FUT8: variants seen among roughly 807,000 people sequenced by gnomAD.
FUT8 encodes fucosyltransferase 8.
In FUT8, 29 loss-of-function variants were observed where a neutral mutation model predicts 71.3. That is an observed-to-expected ratio of 0.41 (90% CI 0.30 to 0.55). The LOEUF is 0.55. Ranked by LOEUF, FUT8 falls within the 20% of genes least tolerant of loss-of-function variation. The pLI is 0.34. For synonymous variants in FUT8, 254 were observed against 239.3 expected (o/e 1.06, Z -0.57); for missense variants, 544 against 702.1 (o/e 0.77, Z 2.55).
Position 65,647,188 on chromosome 14 carries a change from A to G in FUT8, c.597+17582A>G, listed in dbSNP as rs978105409. On this transcript the variant is annotated intron_variant, in intron 6 of 10. Transcript: ENST00000673929. ...TTAGGTCAGTTGTATTTGATAGATGATAAAATACCCAGATCACTCAAGGTC... is the reference window on the plus strand; with the variant it reads ...TTAGGTCAGTTGTATTTGATAGATGGTAAAATACCCAGATCACTCAAGGTC... Among the ~76,000 whole-genome samples, 4 of 152,222 alleles carry G rather than the reference A, an allele frequency of 2.6e-5. No individual in the cohort carries two copies. In the East Asian group the frequency reaches 7.7e-4, roughly 29 times the overall value.
chr14:65,682,157 T>C (rs902482841), intron 7 of FUT8, among the ~76,000 whole-genome samples: 1 of 152,230 alleles, frequency 6.6e-6, no homozygotes, highest in Non-Finnish European at 1.5e-5. Flanking sequence ...TTTAAAAGTC[T>C]GCCTCAAGAG....
intron 6 of FUT8, among the ~76,000 whole-genome samples, chr14:65,658,457 A>T (rs1018725746): frequency 1.3e-5 from 2 of 152,150 alleles, no homozygotes; most frequent in African/African-American, 4.8e-5. Flanking sequence ...ACCCATGTCC[A>T]CACAGAAACT....
At chr14:65,365,582 A>C in the FUT8 span, among the ~76,000 whole-genome samples, 2 of 6,454 alleles carry the variant, frequency 3.1e-4, no homozygotes, top group Non-Finnish European at 0.03. Context: ...TAAGGAAGCC[A>C]GCTAAAACCA....
At chr14:65,385,418 A>G in the FUT8 span, among the ~76,000 whole-genome samples, 1 of 152,220 alleles carries the variant, frequency 6.6e-6, no homozygotes, top group Non-Finnish European at 1.5e-5. Context: ...AATAGAAGTT[A>G]TGCTTGGCTT....
At chr14:65,655,614 CAT>C (rs144325148) in intron 6 of FUT8, among the ~76,000 whole-genome samples, 1,764 of 151,678 alleles carry the variant, frequency 0.012, 35 homozygotes, top group East Asian at 0.097. Context: ...TAATTTTAAA[CAT>C]GTGCACTTAA....
chr14:65,549,513 C>T (rs955240703), intron 2 of FUT8, among the ~76,000 whole-genome samples: 4 of 152,082 alleles, frequency 2.6e-5, no homozygotes, highest in African/African-American at 9.7e-5. Context: ...CATGGTTAAA[C>T]ATATTTTCAA....
rs1460707707 is a variant in FUT8, at chr14:65,540,658, C to A, written c.-227-20679C>A. Reference sequence around the variant, plus strand: ...TAAGCTATTGCTATGTTGAGATACTCTGTAATGTTCAGAATTGTATCCCTA... The same window carrying A: ...TAAGCTATTGCTATGTTGAGATACTATGTAATGTTCAGAATTGTATCCCTA... On this transcript the variant is annotated intron_variant, in intron 2 of 10. Transcript: ENST00000673929. Among the ~76,000 whole-genome samples, 4 of 152,184 alleles carry A rather than the reference C, an allele frequency of 2.6e-5. No individual in the cohort carries two copies. In the East Asian group the frequency reaches 5.8e-4, roughly 22 times the overall value.
intron 2 of FUT8, among the ~76,000 whole-genome samples, chr14:65,522,016 C>G (rs1883113771): frequency 1.3e-5 from 2 of 152,124 alleles, no homozygotes; most frequent in African/African-American, 4.8e-5. Flanking sequence ...TAATTAGTAG[C>G]AATCTTGAGT....
intron 1 of FUT8, among the ~76,000 whole-genome samples, chr14:65,429,088 T>A (rs957080011): frequency 2.6e-5 from 4 of 152,160 alleles, no homozygotes; most frequent in Non-Finnish European, 5.9e-5. Flanking sequence ...GAGTAGACAA[T>A]TGACTGAGTA....
At chr14:65,375,633 T>C in the FUT8 span, among the ~76,000 whole-genome samples, 6 of 150,412 alleles carry the variant, frequency 4.0e-5, no homozygotes, top group South Asian at 2.1e-4. Flanking sequence ...ATGAAAAGAA[T>C]AGGGCGGGAG....
In FUT8 at chr14:65,524,674, C is replaced by T. The variant is rs142432305; in HGVS notation, c.-227-36663C>T. ...GCCAGTTTTCAAAGGGAATGCTTCC[C>T]GTTTTTGCCCATTCAGTATGATGTT... is the stretch of plus-strand genomic sequence containing the variant. On this transcript the variant is annotated intron_variant, in intron 2 of 10. Transcript: ENST00000673929. Among the ~76,000 whole-genome samples the T allele has an allele frequency of 5.0e-3, 760 of 152,098 alleles. 8 individuals carry two copies. The highest frequency in any genetic ancestry group is 0.017 in the African/African-American group (721 of 41,514).
At chr14:65,499,335 GT>G in intron 2 of FUT8, among the ~76,000 whole-genome samples, 1 of 152,164 alleles carries the variant, frequency 6.6e-6, no homozygotes, top group South Asian at 2.1e-4. Context: ...TGGGGATGGT[GT>G]TGATAAACTA....
At chr14:65,679,747 A>G (rs984577003) in intron 7 of FUT8, among the ~76,000 whole-genome samples, 4 of 152,212 alleles carry the variant, frequency 2.6e-5, no homozygotes, top group African/African-American at 9.7e-5. Context: ...TTTACTGCCC[A>G]TATTATCACC....
chr14:65,629,615 G>T lies in FUT8; in HGVS notation c.597+9G>T. On this transcript the variant is annotated intron_variant, in intron 6 of 10. Transcript: ENST00000673929. ...GAATAACATATCTTCAGGTAAGAAG[G>T]TTGGGTTAAGAATAAATTTGAGTGA... 1 of 1,563,932 alleles carries T rather than the reference G, an allele frequency of 6.4e-7. No individual in the cohort carries two copies. Among genetic ancestry groups the T allele is most frequent in the Non-Finnish European group, 8.8e-7 (1 of 1,134,690 alleles).
chr14:65,664,159 T>G (rs1462035441), intron 6 of FUT8, among the ~76,000 whole-genome samples: 1 of 152,128 alleles, frequency 6.6e-6, no homozygotes, highest in East Asian at 1.9e-4. Flanking sequence ...GATATTCAGG[T>G]ACTCTATTTC....
At position 65,432,520 on chromosome 14, in the gene FUT8, T is replaced by C. The variant is rs529010995; in HGVS notation, c.-326+19306T>C. 3.5e-4 allele frequency among the ~76,000 whole-genome samples: 54 copies of C among 152,206 alleles called. 2 individuals carry two copies. In the South Asian group the frequency reaches 5.0e-3, roughly 14 times the overall value. ...ATCAGAGGCCTGTGAACCAGAGCAA[T>C]TGCATCTTAAACAGGAGTTGGGTAA... On this transcript the variant is annotated intron_variant, in intron 1 of 10. Coordinates refer to ENST00000673929, the MANE Select transcript of FUT8 (RefSeq NM_001371533.1).
At chr14:65,504,864 C>T (rs943509099) in intron 2 of FUT8, among the ~76,000 whole-genome samples, 3 of 152,122 alleles carry the variant, frequency 2.0e-5, no homozygotes, top group Non-Finnish European at 2.9e-5. Flanking sequence ...ATGGCTTGAA[C>T]CCAGGAGGCA....
chr14:65,712,510 T>A (rs1894855643), intron 7 of FUT8, among the ~76,000 whole-genome samples: 1 of 152,214 alleles, frequency 6.6e-6, no homozygotes, highest in East Asian at 1.9e-4. Flanking sequence ...AATGGCATGA[T>A]GTCGGCTCAC....
the FUT8 span, among the ~76,000 whole-genome samples, chr14:65,362,686 G>T: frequency 6.6e-6 from 1 of 152,180 alleles, no homozygotes; most frequent in Non-Finnish European, 1.5e-5. Flanking sequence ...TCATTAGCCG[G>T]GCGTGGTGGC....
Sources: allele counts gnomAD v4.1 joint callset (sites outside exome capture counted in the v4.1 genomes callset), GRCh38; gene constraint gnomAD v4.1.1; transcripts MANE v1.5; gene names NCBI Gene and HGNC (gene_info 2026-07-23, HGNC 2026-07-21).